CA10: variants seen among roughly 807,000 people sequenced by gnomAD.
The protein encoded by CA10 is carbonic anhydrase-related protein 10.
CA10 carries 14 observed loss-of-function variants against 44.2 expected under a neutral mutation model. The ratio of observed to expected loss-of-function variants is 0.32; its 90% confidence interval spans 0.21 to 0.50. The LOEUF is 0.50. CA10 is among the 20% of genes least tolerant of loss of function. The pLI, the probability that CA10 is intolerant of heterozygous loss-of-function variation, is 0.99. For missense variants in CA10, 350 were observed against 409.7 expected, an observed-to-expected ratio of 0.85 and a Z score of 1.26; for synonymous variants, 159 against 141.6, an observed-to-expected ratio of 1.12 and a Z score of -0.87.
At chr17:51,770,404 C>G (rs1325653573) in intron 3 of CA10, among the ~76,000 whole-genome samples, 1 of 151,942 alleles carries the variant, frequency 6.6e-6, no homozygotes, top group East Asian at 1.9e-4. Context: ...CACAAACCCT[C>G]CCCCGAGACC....
intron 4 of CA10, among the ~76,000 whole-genome samples, chr17:51,747,038 T>C (rs1367504198): frequency 1.3e-5 from 2 of 152,188 alleles, no homozygotes; most frequent in Non-Finnish European, 2.9e-5. Context: ...ACACCACAGA[T>C]GACAACTGTT....
chr17:51,820,480 A>G (rs1907740541), intron 3 of CA10, among the ~76,000 whole-genome samples: 1 of 131,350 alleles, frequency 7.6e-6, no homozygotes, highest in Non-Finnish European at 1.5e-5. Flanking sequence ...TCTTTCTATC[A>G]GATAGTCTTT....
intron 3 of CA10, among the ~76,000 whole-genome samples, chr17:51,905,828 T>A (rs181034339): frequency 1.3e-5 from 2 of 152,108 alleles, no homozygotes; most frequent in Non-Finnish European, 2.9e-5. Flanking sequence ...TTCCCGCTCC[T>A]CACTCTCAGT....
intron 3 of CA10, among the ~76,000 whole-genome samples, chr17:51,840,522 A>G (rs919965949): frequency 1.3e-4 from 20 of 150,936 alleles, no homozygotes; most frequent in Admixed American, 3.3e-4. Flanking sequence ...CACACGTACT[A>G]TAGTTTCTTA....
chr17:51,737,617 CT>C (rs950056349), intron 4 of CA10, among the ~76,000 whole-genome samples: 1 of 152,160 alleles, frequency 6.6e-6, no homozygotes, highest in African/African-American at 2.4e-5. Flanking sequence ...TGAATTCTGC[CT>C]TTTCCAAGAT....
At chr17:51,789,175 C>G (rs1336545377) in intron 3 of CA10, among the ~76,000 whole-genome samples, 1 of 152,084 alleles carries the variant, frequency 6.6e-6, no homozygotes, top group African/African-American at 2.4e-5. Flanking sequence ...GCCACCACAC[C>G]TGGCTAATTT....
At chr17:51,915,571 T>C (rs560445059) in intron 3 of CA10, among the ~76,000 whole-genome samples, 1 of 152,306 alleles carries the variant, frequency 6.6e-6, no homozygotes, top group Non-Finnish European at 1.5e-5. Context: ...ATTACTTATT[T>C]ATATATTATC....
At chr17:52,001,315 A>G (rs902293700) in intron 2 of CA10, among the ~76,000 whole-genome samples, 4 of 152,042 alleles carry the variant, frequency 2.6e-5, no homozygotes, top group Admixed American at 1.3e-4. Flanking sequence ...CAAACCATAG[A>G]CTATCCATGC....
intron 2 of CA10, among the ~76,000 whole-genome samples, chr17:51,994,675 A>G (rs1477244520): frequency 1.3e-5 from 2 of 152,102 alleles, no homozygotes; most frequent in African/African-American, 4.8e-5. Context: ...TAAACTATAT[A>G]CATATAGACC....
intron 2 of CA10, among the ~76,000 whole-genome samples, chr17:52,049,785 C>T (rs373317118): frequency 1.3e-5 from 2 of 152,204 alleles, no homozygotes; most frequent in Admixed American, 6.5e-5. Context: ...AAACAGAATA[C>T]ATTTATGTGC....
At chr17:51,665,535 T>G (rs1161082399) in intron 4 of CA10, among the ~76,000 whole-genome samples, 1 of 152,248 alleles carries the variant, frequency 6.6e-6, no homozygotes, top group Non-Finnish European at 1.5e-5. Flanking sequence ...AGTCACATGT[T>G]GCTTAAAAAC....
intron 3 of CA10, among the ~76,000 whole-genome samples, chr17:51,787,825 C>A (rs1018082459): frequency 3.9e-5 from 6 of 152,150 alleles, no homozygotes; most frequent in Admixed American, 2.0e-4. Flanking sequence ...TCTCCTTTTT[C>A]ATTTCTGATT....
chr17:52,094,040 A>G (rs1988338876), intron 1 of CA10, among the ~76,000 whole-genome samples: 1 of 152,132 alleles, frequency 6.6e-6, no homozygotes, highest in Admixed American at 6.6e-5. Context: ...AAACTATCAC[A>G]AGATCAGAAA....
chr17:52,081,387 T>C (rs535661051), intron 1 of CA10, among the ~76,000 whole-genome samples: 32 of 152,240 alleles, frequency 2.1e-4, no homozygotes, highest in Middle Eastern at 3.4e-3. Flanking sequence ...GGTGTGATAA[T>C]AGTAGATACA....
At chr17:51,881,242 GA>G (rs11423498) in intron 3 of CA10, among the ~76,000 whole-genome samples, 1,417 of 123,690 alleles carry the variant, frequency 0.011, 17 homozygotes, top group African/African-American at 0.038. Context: ...TCCGTCTCAA[GA>G]AAAAAAAAAA....
At position 51,649,350 on chromosome 17, in the gene CA10, A is replaced by G. The variant is rs1048677134; in HGVS notation, c.562-96T>C. 2.2e-5 allele frequency: 20 copies of G among 922,718 alleles called. No homozygotes were observed. In the Admixed American group the frequency reaches 2.8e-4, roughly 13 times the overall value. The allele number at this position is 922,718 out of a possible 1,614,324, so 57.2% of individuals were successfully genotyped here. A position where few individuals can be genotyped will look rare whatever the true frequency, so the allele number is the denominator to read the frequency against. ...ACTTATTCATTCATAGTTACTGAGT[A>G]TCTACCATGAGCCAAACACAATGAC... On this transcript the variant is annotated intron_variant, in intron 5 of 8. Transcript: ENST00000451037.
At chr17:52,078,033 C>A (rs1987862641) in intron 1 of CA10, among the ~76,000 whole-genome samples, 1 of 152,202 alleles carries the variant, frequency 6.6e-6, no homozygotes, top group Non-Finnish European at 1.5e-5. Flanking sequence ...GGCATCACAC[C>A]AACAAGTCTT....
intron 1 of CA10, among the ~76,000 whole-genome samples, chr17:52,132,420 C>T (rs1989262455): frequency 6.6e-6 from 1 of 152,096 alleles, no homozygotes; most frequent in Non-Finnish European, 1.5e-5. Flanking sequence ...AATCCCAGTG[C>T]CACAGAGTGC....
rs185116996 is a variant in CA10, at chr17:51,902,838, T to C, written c.279+28152A>G. Among the ~76,000 whole-genome samples the C allele has an allele frequency of 2.6e-4, 39 of 152,328 alleles. 1 individual carries two copies. The highest frequency in any genetic ancestry group is 2.6e-3 in the Admixed American group (39 of 15,292). On this transcript the variant is annotated intron_variant, in intron 3 of 8. Transcript: ENST00000451037. ...TATGAAAGTGTTAGGCATTCAGTGA[T>C]GCTTGTCTTCGGGTAGCTTATAGTG...
Sources: gnomAD v4.1 joint callset for allele counts (sites outside exome capture counted in the v4.1 genomes callset) on GRCh38, gnomAD v4.1.1 for gene constraint, MANE v1.5 for transcripts, NCBI Gene and HGNC (gene_info 2026-07-23, HGNC 2026-07-21) for gene names.